The following KANK1 variants were observed in gnomAD, a reference collection of about 807,000 sequenced individuals.
The protein encoded by KANK1 is KN motif and ankyrin repeat domains 1.
A neutral mutation model predicts 106.2 loss-of-function variants in KANK1; 109 were observed. The observed-to-expected ratio is 1.03, with a 90% CI of 0.88 to 1.20. KANK1 has a LOEUF of 1.20. KANK1 is among the 50% of genes most tolerant of loss of function. The pLI, the probability that KANK1 is intolerant of heterozygous loss-of-function variation, is 0.00. For synonymous variants in KANK1, 873 were observed against 652.2 expected (o/e 1.34, Z -5.16); for missense variants, 2,399 against 1,710.7 (o/e 1.40, Z -7.10).
intron 1 of KANK1, among the ~76,000 whole-genome samples, chr9:603,769 A>T (rs1265265930): frequency 6.6e-6 from 1 of 151,514 alleles, no homozygotes; most frequent in African/African-American, 2.4e-5. Flanking sequence ...CAGTCTGGCC[A>T]ATGTGGCGAA....
chr9:701,508 T>A (rs1437079605), intron 2 of KANK1, among the ~76,000 whole-genome samples: 1 of 152,186 alleles, frequency 6.6e-6, no homozygotes, highest in Non-Finnish European at 1.5e-5. Context: ...CTACTGACAT[T>A]ATGAGCTAGA....
intron 1 of KANK1, among the ~76,000 whole-genome samples, chr9:675,869 G>C (rs760853557): frequency 6.6e-6 from 1 of 152,186 alleles, no homozygotes; most frequent in Non-Finnish European, 1.5e-5. Flanking sequence ...TAAACAAGAG[G>C]TGGATTATTC....
chr9:481,479 C>T (rs560631367), intron 3 of KANK1, among the ~76,000 whole-genome samples: 1 of 152,274 alleles, frequency 6.6e-6, no homozygotes, highest in South Asian at 2.1e-4. Flanking sequence ...GAGCCAAACA[C>T]ATTAACCTCT....
chr9:644,195 C>G (rs561731146), intron 1 of KANK1, among the ~76,000 whole-genome samples: 1 of 151,066 alleles, frequency 6.6e-6, no homozygotes, highest in South Asian at 2.1e-4. Flanking sequence ...AGAGCAGATC[C>G]TATCCTAGCC....
intron 3 of KANK1, among the ~76,000 whole-genome samples, chr9:714,902 TCC>T (rs1827272236): frequency 6.6e-6 from 1 of 152,202 alleles, no homozygotes; most frequent in South Asian, 2.1e-4. Flanking sequence ...TTTCTGGCTC[TCC>T]AATTCTCATG....
intron 1 of KANK1, among the ~76,000 whole-genome samples, chr9:539,990 CAG>C (rs2060508476): frequency 6.6e-6 from 1 of 152,176 alleles, no homozygotes; most frequent in African/African-American, 2.4e-5. Context: ...CAAACAGAGA[CAG>C]AGTAACTTCT....
intron 5 of KANK1, chr9:731,548 C>T (rs1369074730): frequency 4.1e-5 from 10 of 245,118 alleles, no homozygotes; most frequent in Non-Finnish European, 6.4e-5. Flanking sequence ...AGCAGGGTTC[C>T]TGCACTGTGT....
chr9:570,798 G>C (rs1563787323), intron 1 of KANK1, among the ~76,000 whole-genome samples: 2 of 152,168 alleles, frequency 1.3e-5, no homozygotes, highest in South Asian at 2.1e-4. Flanking sequence ...AGTCATTTAA[G>C]ACCCGTTGGC....
At chr9:578,519 A>G (rs1005701767) in intron 1 of KANK1, among the ~76,000 whole-genome samples, 1 of 152,068 alleles carries the variant, frequency 6.6e-6, no homozygotes, top group Non-Finnish European at 1.5e-5. Context: ...CAAAAATCTT[A>G]AAAACTAAAT....
intron 2 of KANK1, among the ~76,000 whole-genome samples, chr9:688,099 T>C (rs1486042000): frequency 6.6e-6 from 1 of 152,218 alleles, no homozygotes; most frequent in Non-Finnish European, 1.5e-5. Flanking sequence ...GCCAATCTGA[T>C]GTGCTATATT....
At chr9:568,374 T>C (rs1397610129) in intron 1 of KANK1, among the ~76,000 whole-genome samples, 2 of 152,220 alleles carry the variant, frequency 1.3e-5, no homozygotes, top group African/African-American at 2.4e-5. Flanking sequence ...TATCATAATT[T>C]AACAAATTAT....
At position 732,420 on chromosome 9, in the gene KANK1, C is replaced by G. The variant is rs906826453; in HGVS notation, c.3048C>G (p.Ser1016Arg). The G allele has an allele frequency of 2.5e-6, 4 of 1,614,088 alleles. No homozygotes were observed. The highest frequency in any genetic ancestry group is 1.3e-5 in the African/African-American group (1 of 75,032). Residue 1016 changes from serine (S) to arginine (R), a missense_variant, in exon 6 of 12, where the codon AGC becomes AGG. Physicochemically the swap from Ser to Arg is moderately radical, Grantham distance 110. Coordinates refer to ENST00000382297, the MANE Select transcript of KANK1 (RefSeq NM_015158.5). ...TSSDDSSSDESSSSESDDECD... is the reference protein window; with the variant it reads ...TSSDDSSSDERSSSESDDECD... Reference sequence around the variant, plus strand: ...GTGATGATTCCAGCTCAGATGAAAGCTCTTCTTCCGAGTCAGATGACGAGT... The same window carrying G: ...GTGATGATTCCAGCTCAGATGAAAGGTCTTCTTCCGAGTCAGATGACGAGT...
chr9:583,771 G>A (rs1822762800), intron 1 of KANK1, among the ~76,000 whole-genome samples: 2 of 150,982 alleles, frequency 1.3e-5, no homozygotes, highest in Admixed American at 1.3e-4. Context: ...TTAATATCTT[G>A]GATATATGAA....
chr9:507,530 C>T (rs973706160), intron 1 of KANK1, among the ~76,000 whole-genome samples: 1 of 151,554 alleles, frequency 6.6e-6, no homozygotes. Context: ...GCTGGGATTA[C>T]AGGCACCTGC....
chr9:608,844 G>T (rs1829929357), intron 1 of KANK1, among the ~76,000 whole-genome samples: 1 of 152,194 alleles, frequency 6.6e-6, no homozygotes, highest in Non-Finnish European at 1.5e-5. Flanking sequence ...CTAAGCCAAT[G>T]TTGAGACTGA....
chr9:531,241 C>A (rs962813072), intron 1 of KANK1, among the ~76,000 whole-genome samples: 2 of 152,032 alleles, frequency 1.3e-5, no homozygotes, highest in Non-Finnish European at 2.9e-5. Context: ...GAGTTTGAGA[C>A]CAGCCTGGGC....
At chr9:668,048 T>C (rs1200713833) in intron 1 of KANK1, among the ~76,000 whole-genome samples, 1 of 152,174 alleles carries the variant, frequency 6.6e-6, no homozygotes, top group Non-Finnish European at 1.5e-5. Context: ...CCTCTTGTTA[T>C]TGATATCTAG....
chr9:528,106 G>A (rs1189517688), intron 1 of KANK1, among the ~76,000 whole-genome samples: 1 of 149,974 alleles, frequency 6.7e-6, no homozygotes. Flanking sequence ...GCACTCCATC[G>A]AGCCTGGGCA....
chr9:631,047 A>T (rs964683593), intron 1 of KANK1, among the ~76,000 whole-genome samples: 1 of 152,156 alleles, frequency 6.6e-6, no homozygotes, highest in African/African-American at 2.4e-5. Flanking sequence ...GGTTGGTAGA[A>T]ATATGTATCT....
Sources: allele counts gnomAD v4.1 joint callset (sites outside exome capture counted in the v4.1 genomes callset), GRCh38; gene constraint gnomAD v4.1.1; transcripts MANE v1.5; gene names NCBI Gene and HGNC (gene_info 2026-07-23, HGNC 2026-07-21).